Variants in NEDD8 observed in about 807,000 individuals in gnomAD.
NEDD8 encodes the protein NEDD8 ubiquitin like modifier, also known as ubiquitin-like protein NEDD8.
A neutral mutation model predicts 13.8 loss-of-function variants in NEDD8; 1 was observed. That is an observed-to-expected ratio of 0.07 (90% CI 0.03 to 0.34). The LOEUF is 0.34. NEDD8 is among the 10% of genes least tolerant of loss of function. The pLI, the probability that NEDD8 is intolerant of heterozygous loss-of-function variation, is 0.99. For synonymous variants in NEDD8, 31 were observed against 33.2 expected, an observed-to-expected ratio of 0.93 and a Z score of 0.23; for missense variants, 10 against 95.2, an observed-to-expected ratio of 0.10 and a Z score of 3.73.
At chr14:24,231,013 C>G (rs905031565) in intron 1 of NEDD8, among the ~76,000 whole-genome samples, 1 of 152,094 alleles carries the variant, frequency 6.6e-6, no homozygotes, top group African/African-American at 2.4e-5. Flanking sequence ...TCTCGGCCTC[C>G]CGAATAGCTG....
chr14:24,218,622 CT>C (rs1254573994), intron 1 of NEDD8, 191 bp from the exon 2 acceptor site: 1 of 739,788 alleles, frequency 1.4e-6, no homozygotes, highest in Non-Finnish European at 2.2e-6. Flanking sequence ...CTGTAAACAA[CT>C]TTGATAGGGC....
chr14:24,218,816 G>A (rs1012001032), intron 1 of NEDD8: 15 of 246,948 alleles, frequency 6.1e-5, no homozygotes, highest in Non-Finnish European at 1.0e-4. Flanking sequence ...GCACAATCTC[G>A]GCTCACTGCA....
intron 1 of NEDD8, among the ~76,000 whole-genome samples, chr14:24,229,362 G>A (rs1163799029): frequency 6.6e-6 from 1 of 152,204 alleles, no homozygotes; most frequent in African/African-American, 2.4e-5. Context: ...TGGGACTACA[G>A]GTGTGTGCCA....
intron 1 of NEDD8, chr14:24,228,786 CTTT>C (rs200207869): frequency 6.8e-6 from 1 of 146,976 alleles, no homozygotes; most frequent in East Asian, 2.0e-4. Context: ...ATTAACAGCT[CTTT>C]TTTTTCTTTT....
chr14:24,230,160 T>C (rs1043152038), intron 1 of NEDD8, among the ~76,000 whole-genome samples: 4 of 134,234 alleles, frequency 3.0e-5, no homozygotes, highest in Non-Finnish European at 6.1e-5. Context: ...CCCTGTGTAA[T>C]ATACATATAA....
chr14:24,232,350 C>A lies in NEDD8; in HGVS notation c.-83G>T. 1 of 1,533,960 alleles carries A rather than the reference C, an allele frequency of 6.5e-7. No individual in the cohort carries two copies. The highest frequency in any genetic ancestry group is 8.9e-7 in the Non-Finnish European group (1 of 1,125,802). ...CCGCTGCCGCCCTCCAGCACTCTTG[C>A]CTGCAAGGGCCACTTCTACTTCCGG... On this transcript the variant is annotated 5_prime_UTR_variant, in exon 1 of 4. Transcript: ENST00000250495.
In NEDD8 at chr14:24,231,783, G is replaced by A. The variant is rs530904850; in HGVS notation, c.18+467C>T. The A allele has an allele frequency of 6.9e-5, 11 of 159,296 alleles. No individual in the cohort carries two copies. The South Asian group carries it at 1.8e-3, about 26-fold the overall frequency. 9.9% of individuals were successfully genotyped at this position (159,296 alleles called of 1,614,324 possible). ...CACACCTTGGCAACCACCAGTAAAGGCTCATAGTCTAGCCCTTGGGAGGCC... is the reference window on the plus strand; with the variant it reads ...CACACCTTGGCAACCACCAGTAAAGACTCATAGTCTAGCCCTTGGGAGGCC... On this transcript the variant is annotated intron_variant, in intron 1 of 3. Coordinates refer to ENST00000250495, the MANE Select transcript of NEDD8 (RefSeq NM_006156.3).
chr14:24,232,073 C>T (rs2040048195), intron 1 of NEDD8, 177 bp downstream of exon 1: 1 of 965,512 alleles, frequency 1.0e-6, no homozygotes, highest in East Asian at 2.7e-5. Flanking sequence ...GACCTGGGCC[C>T]CGCTCTCAAA....
Position 24,217,303 on chromosome 14 carries a change from T to C in NEDD8, c.150-80A>G, listed in dbSNP as rs1451403441. The C allele has an allele frequency of 1.7e-5, 21 of 1,262,070 alleles. No individual in the cohort carries two copies. The Admixed American group carries it at 2.3e-4, about 14-fold the overall frequency. The allele number at this position is 1,262,070 out of a possible 1,614,324, so 78.2% of individuals were successfully genotyped here. A position where few individuals can be genotyped will look rare whatever the true frequency, so the allele number is the denominator to read the frequency against. On this transcript the variant is annotated intron_variant, in intron 3 of 3. Transcript: ENST00000250495. ...TTGTTGTTGTTGTTGTTGTTGTTGT[T>C]GTTTTTGACAGAGTCTCGCTCTGTC... is the stretch of plus-strand genomic sequence containing the variant.
chr14:24,224,919 G>T (rs1257207128), intron 1 of NEDD8, among the ~76,000 whole-genome samples: 1 of 152,204 alleles, frequency 6.6e-6, no homozygotes, highest in Middle Eastern at 3.2e-3. Flanking sequence ...AGCAATTTGG[G>T]AGGCCGAGGT....
intron 1 of NEDD8, among the ~76,000 whole-genome samples, chr14:24,223,762 G>A (rs1021480693): frequency 1.3e-5 from 2 of 150,210 alleles, no homozygotes; most frequent in African/African-American, 2.5e-5. Context: ...TTGAGGCAAG[G>A]TCTCAGTCTG....
intron 1 of NEDD8, chr14:24,226,603 A>T (rs140360367): frequency 3.3e-5 from 5 of 152,214 alleles, no homozygotes; most frequent in Admixed American, 3.3e-4. Context: ...ATAACATTAT[A>T]TAACACTAGA....
chr14:24,218,255 T>A (rs918850713), intron 2 of NEDD8, 40 bp from the exon 3 acceptor site: 1 of 1,613,942 alleles, frequency 6.2e-7, no homozygotes, highest in Admixed American at 1.7e-5. Context: ...TGCTTAGGGG[T>A]AGGACCATGG....
At chr14:24,224,740 T>C (rs1204015974) in intron 1 of NEDD8, among the ~76,000 whole-genome samples, 2 of 152,190 alleles carry the variant, frequency 1.3e-5, no homozygotes, top group East Asian at 3.8e-4. Flanking sequence ...AACAATCTGA[T>C]GGAAGTACAT....
intron 1 of NEDD8, among the ~76,000 whole-genome samples, chr14:24,220,635 T>C (rs2039791044): frequency 6.6e-6 from 1 of 152,248 alleles, no homozygotes; most frequent in South Asian, 2.1e-4. Flanking sequence ...GAACACTTTC[T>C]AAGGGTCAGT....
intron 3 of NEDD8, 25 bp from the exon 4 acceptor site, chr14:24,217,248 A>T: frequency 1.3e-6 from 2 of 1,573,284 alleles, no homozygotes; most frequent in Non-Finnish European, 1.7e-6. Context: ...AGCCAGAAAA[A>T]AAAGAAAAAG....
intron 3 of NEDD8, chr14:24,217,710 A>G (rs116886154): frequency 0.017 from 2,915 of 172,116 alleles, 42 homozygotes; most frequent in Middle Eastern, 0.059. Context: ...TTCTAACTTT[A>G]AACATAGCCC....
chr14:24,231,050 T>C (rs2138916363), intron 1 of NEDD8, among the ~76,000 whole-genome samples: 1 of 152,228 alleles, frequency 6.6e-6, no homozygotes, highest in East Asian at 1.9e-4. Flanking sequence ...CCCAGACCCT[T>C]GGCTAATTTT....
chr14:24,225,291 A>C (rs563188820), intron 1 of NEDD8, among the ~76,000 whole-genome samples: 13 of 152,202 alleles, frequency 8.5e-5, no homozygotes, highest in Non-Finnish European at 1.8e-4. Context: ...GATTTAAAGA[A>C]ATTGAAAACA....
Sources: allele counts gnomAD v4.1 joint callset (sites outside exome capture counted in the v4.1 genomes callset), GRCh38; gene constraint gnomAD v4.1.1; transcripts MANE v1.5; gene names NCBI Gene and HGNC (gene_info 2026-07-23, HGNC 2026-07-21).